The following NEMF variants were observed in gnomAD, a reference collection of about 807,000 sequenced individuals.
The protein encoded by NEMF is ribosome quality control complex subunit NEMF.
A neutral mutation model predicts 162.2 loss-of-function variants in NEMF; 89 were observed. That is an observed-to-expected ratio of 0.55 (90% confidence interval 0.46 to 0.65). NEMF has a LOEUF of 0.65. NEMF is among the 30% of genes least tolerant of loss of function. The pLI, the probability that NEMF is intolerant of heterozygous loss-of-function variation, is 0.00. For missense variants in NEMF, 1,133 were observed against 1,261.9 expected (o/e 0.90, Z 1.55); for synonymous variants, 421 against 404.5 (o/e 1.04, Z -0.49).
chr14:49,801,547 G>A (rs1167127840), intron 22 of NEMF: 1 of 151,876 alleles, frequency 6.6e-6, no homozygotes, highest in Non-Finnish European at 1.5e-5. Flanking sequence ...CCAGGGAAAT[G>A]GTGAGCCTCA....
chr14:49,836,825 G>A (rs1566700992), intron 6 of NEMF, among the ~76,000 whole-genome samples: 1 of 152,096 alleles, frequency 6.6e-6, no homozygotes, highest in Non-Finnish European at 1.5e-5. Context: ...GATACCTTGG[G>A]GATGGAACCC....
chr14:49,789,585 G>C lies in NEMF; in HGVS notation c.2620-12C>G, dbSNP rs752650540. 14 of 1,601,764 alleles carry C rather than the reference G, an allele frequency of 8.7e-6. No individual in the cohort carries two copies. Among genetic ancestry groups the C allele is most frequent in the Non-Finnish European group, 1.1e-5 (13 of 1,177,388 alleles). On this transcript the variant is annotated splice_polypyrimidine_tract_variant and intron_variant, in intron 26 of 32. Transcript: ENST00000298310. ...TTTTTCATTTTACTCTACAAAATCAGAAGATTTTGGTTGGAAATATTCAGC... is the reference window on the plus strand; with the variant it reads ...TTTTTCATTTTACTCTACAAAATCACAAGATTTTGGTTGGAAATATTCAGC...
intron 25 of NEMF, among the ~76,000 whole-genome samples, chr14:49,796,874 A>C (rs780730553): frequency 6.6e-6 from 1 of 152,102 alleles, no homozygotes; most frequent in Admixed American, 6.5e-5. Flanking sequence ...TACCCCAAAG[A>C]AGCACTCCCC....
At chr14:49,851,299 G>A (rs752626777) in intron 3 of NEMF, among the ~76,000 whole-genome samples, 1 of 152,336 alleles carries the variant, frequency 6.6e-6, no homozygotes, top group Non-Finnish European at 1.5e-5. Flanking sequence ...TACAGTTAAG[G>A]AACTGTAAGG....
rs2139843233 is a variant in NEMF, at chr14:49,795,950, T to TA, written c.2466-7dup. The TA allele has an allele frequency of 6.3e-7, 1 of 1,581,336 alleles. No homozygotes were observed. Among genetic ancestry groups the TA allele is most frequent in the Non-Finnish European group, 8.5e-7 (1 of 1,169,970 alleles). ...GTTTTTTCTTTTTCATTTCCCTGAA[T>TA]AAAAAAGACATGAAAACATTTCATT... On this transcript the variant is annotated splice_region_variant and splice_polypyrimidine_tract_variant and intron_variant, in intron 25 of 32. Transcript: ENST00000298310.
chr14:49,782,691 A>C lies in NEMF; in HGVS notation c.*1945T>G, dbSNP rs1405576831. 7.4e-6 allele frequency: 10 copies of C among 1,353,192 alleles called. No individual in the cohort carries two copies. Among genetic ancestry groups the C allele is most frequent in the Non-Finnish European group, 1.0e-6 (1 of 984,602 alleles). 83.8% of individuals were successfully genotyped at this position (1,353,192 alleles called of 1,614,324 possible). Reference sequence around the variant, plus strand: ...CTAGGTTTATGGATTATTTAAGGGCAATAAAACTTCATTGCTATAACCAGT... The same window carrying C: ...CTAGGTTTATGGATTATTTAAGGGCCATAAAACTTCATTGCTATAACCAGT... On this transcript the variant is annotated 3_prime_UTR_variant, in exon 33 of 33. Transcript: ENST00000298310.
Position 49,782,614 on chromosome 14 carries a change from G to A in NEMF, c.*2022C>T, listed in dbSNP as rs752893494. ...TGTACGGTAAGTAACTTTGTACTTG[G>A]CACTTAGATTATTTAAAATTGTGTT... is the stretch of plus-strand genomic sequence containing the variant. On this transcript the variant is annotated 3_prime_UTR_variant, in exon 33 of 33. Transcript: ENST00000298310. 8 of 1,570,678 alleles carry A rather than the reference G, an allele frequency of 5.1e-6. No homozygotes were observed. The South Asian group carries it at 6.9e-5, about 14-fold the overall frequency.
rs950908409 is a variant in NEMF, at chr14:49,783,073, T to C, written c.*1563A>G. ...TAGTTTGCACCTGTTGGTTTTAATG[T>C]GCATGTGAATGGCCTAGAGAACCTA... On this transcript the variant is annotated 3_prime_UTR_variant, in exon 33 of 33. Transcript: ENST00000298310. 7.1e-6 allele frequency: 7 copies of C among 984,826 alleles called. No individual in the cohort carries two copies. In the African/African-American group the frequency reaches 1.2e-4, roughly 16 times the overall value. The allele number at this position is 984,826 out of a possible 1,614,324, so 61.0% of individuals were successfully genotyped here.
intron 15 of NEMF, among the ~76,000 whole-genome samples, chr14:49,827,657 A>T (rs993061193): frequency 6.6e-6 from 1 of 152,122 alleles, no homozygotes; most frequent in African/African-American, 2.4e-5. Context: ...TACTAAAACT[A>T]CAAAAATTAG....
At chr14:49,799,981 C>T (rs773632456) in intron 23 of NEMF, among the ~76,000 whole-genome samples, 1 of 152,182 alleles carries the variant, frequency 6.6e-6, no homozygotes, top group Admixed American at 6.5e-5. Flanking sequence ...AAGAAGGAAA[C>T]TGAAGCTTAA....
Position 49,851,671 on chromosome 14 carries a change from G to A in NEMF, c.129-6C>T, listed in dbSNP as rs946955982. ...GTGTAGCTTTAAAGTCCGGTCTGTA[G>A]AAGAAAAAAGTCGAATTTTTCTTTA... On this transcript the variant is annotated splice_region_variant and splice_polypyrimidine_tract_variant and intron_variant, in intron 2 of 32. Transcript: ENST00000298310. 1.9e-6 allele frequency: 3 copies of A among 1,610,670 alleles called. No homozygotes were observed. Among genetic ancestry groups the A allele is most frequent in the African/African-American group, 1.3e-5 (1 of 74,834 alleles).
intron 18 of NEMF, among the ~76,000 whole-genome samples, chr14:49,813,103 T>C (rs1334852834): frequency 6.6e-6 from 1 of 152,124 alleles, no homozygotes; most frequent in Non-Finnish European, 1.5e-5. Context: ...TATCCTATGG[T>C]CTACCCCAGA....
At position 49,829,360 on chromosome 14, in the gene NEMF, G is replaced by A. The variant is rs1302772380; in HGVS notation, c.1012C>T (p.Gln338Ter). ...KDHENRLEAL[Q>*]QAQEIDKLKG... ...GCCAAACATAATACCTGAGCCTGCTGAAGAGCTTCCAATCTGTTTTCGTGA... is the reference window on the plus strand; with the variant it reads ...GCCAAACATAATACCTGAGCCTGCTAAAGAGCTTCCAATCTGTTTTCGTGA... Residue 338 changes from glutamine (Q) to a stop codon, truncating the protein, a stop_gained, in exon 12 of 33, where the codon CAG becomes TAG. Coordinates refer to ENST00000298310, the MANE Select transcript of NEMF (RefSeq NM_004713.6). LOFTEE classifies it high-confidence loss of function. The A allele has an allele frequency of 6.2e-7, 1 of 1,614,118 alleles. No homozygotes were observed. The highest frequency in any genetic ancestry group is 8.5e-7 in the Non-Finnish European group (1 of 1,179,972).
rs143756284 is a variant in NEMF, at chr14:49,795,911, T to A, written c.2499A>T (p.Ser833=). The change falls in exon 26 of 33, where the codon TCA becomes TCT. Residue 833 remains serine (S), a synonymous_variant. Transcript: ENST00000298310. ...EMKKKKLPSD[S]GDLEALEGKD... ...TTCCCTCTAACGCTTCTAAATCTCCTGAGTCACTTGGAAGTTTTTTCTTTT... is the reference window on the plus strand; with the variant it reads ...TTCCCTCTAACGCTTCTAAATCTCCAGAGTCACTTGGAAGTTTTTTCTTTT... 1.2e-5 allele frequency: 20 copies of A among 1,606,648 alleles called. No homozygotes were observed. The East Asian group carries it at 4.2e-4, about 34-fold the overall frequency.
rs1173634285 is a variant in NEMF at position 49,785,316 on chromosome 14, T to C, written c.2933A>G (p.Asn978Ser). The C allele has an allele frequency of 6.2e-7, 1 of 1,612,652 alleles. No individual in the cohort carries two copies. Among genetic ancestry groups the C allele is most frequent in the Admixed American group, 1.7e-5 (1 of 59,958 alleles). ...QDLDQQGNEENLFDSLTGQPH... is the reference protein window; with the variant it reads ...QDLDQQGNEESLFDSLTGQPH... ...CTGGCCTGTCAAAGAATCAAATAGGTTTTCCTAAAAAGGGAAAATAACAGT... is the reference window on the plus strand; with the variant it reads ...CTGGCCTGTCAAAGAATCAAATAGGCTTTCCTAAAAAGGGAAAATAACAGT... Residue 978 changes from asparagine to serine, a missense_variant, in exon 30 of 33, where the codon AAC (asparagine) becomes AGC (serine). By Grantham distance (46) the Asn-to-Ser change is conservative. Around this residue, in one of 3 missense-constraint regions of NEMF, gnomAD observed 532 missense variants for 578.6 expected, o/e 0.92. Coordinates refer to ENST00000298310, the MANE Select transcript of NEMF (RefSeq NM_004713.6).
intron 10 of NEMF, 60 bp downstream of exon 10, chr14:49,831,991 T>C: frequency 8.9e-7 from 1 of 1,118,986 alleles, no homozygotes; most frequent in East Asian, 2.5e-5. Context: ...AGAAGCAAGT[T>C]GATATCAACA....
intron 16 of NEMF, among the ~76,000 whole-genome samples, chr14:49,822,845 C>T (rs183692540): frequency 2.0e-5 from 3 of 151,888 alleles, no homozygotes; most frequent in Non-Finnish European, 2.9e-5. Flanking sequence ...CTTCTGGTCT[C>T]CTATCAGTAT....
chr14:49,810,579 A>C (rs1017833001), intron 18 of NEMF, among the ~76,000 whole-genome samples: 1 of 152,334 alleles, frequency 6.6e-6, no homozygotes, highest in South Asian at 2.1e-4. Context: ...AAATCAGGAA[A>C]CATGAGTCCT....
At position 49,800,634 on chromosome 14, in the gene NEMF, G is replaced by C; in HGVS notation, c.2158C>G (p.Leu720Val). The C allele has an allele frequency of 6.2e-7, 1 of 1,613,844 alleles. No individual in the cohort carries two copies. The highest frequency in any genetic ancestry group is 8.5e-7 in the Non-Finnish European group (1 of 1,179,844). The change falls in exon 23 of 33, where the codon CTC becomes GTC. Residue 720 changes from leucine to valine, a missense_variant. By Grantham distance (32) the Leu-to-Val change is conservative. Coordinates refer to ENST00000298310, the MANE Select transcript of NEMF (RefSeq NM_004713.6). ...TCCTCTTGGTCAACCTGAGTCATGA[G>C]TTCTACTTCCACAGGAGTTTCATGT... Reference protein sequence around the residue: ...EEHETPVEVELMTQVDQEDIT... With the variant: ...EEHETPVEVEVMTQVDQEDIT...
Sources: gnomAD v4.1 joint callset for allele counts (sites outside exome capture counted in the v4.1 genomes callset) on GRCh38, gnomAD v4.1.1 for gene constraint, gnomAD v4.1.1 regional missense constraint, MANE v1.5 for transcripts, NCBI Gene and HGNC (gene_info 2026-07-23, HGNC 2026-07-21) for gene names.